The following TTC1 variants were observed in gnomAD, a reference collection of about 807,000 sequenced individuals.
The protein encoded by TTC1 is tetratricopeptide repeat domain 1, also known as tetratricopeptide repeat protein 1.
Under a neutral mutation model 37.6 loss-of-function variants are expected in TTC1, and 31 were observed. That is an observed-to-expected ratio of 0.82 (90% confidence interval 0.62 to 1.11). The LOEUF is 1.11. Among genes scored for constraint, TTC1 ranks in the 50% most tolerant of loss-of-function variants. The probability of loss-of-function intolerance (pLI) is 0.00; values close to 1 mark genes in which losing one functional copy is unlikely to be tolerated. For missense variants in TTC1, 351 were observed against 339.0 expected (o/e 1.04, Z -0.28); for synonymous variants, 127 against 122.4 (o/e 1.04, Z -0.25).
intron 2 of TTC1, among the ~76,000 whole-genome samples, chr5:160,034,459 G>A (rs964490853): frequency 6.6e-6 from 1 of 152,124 alleles, no homozygotes; most frequent in Non-Finnish European, 1.5e-5. Context: ...CCTGCTAACA[G>A]TATACTGCCC....
chr5:160,065,278 T>A lies in TTC1; in HGVS notation c.*213T>A. The stretch of plus-strand genomic sequence containing the variant: ...ACCTAATTTGATTTCCATTTTAAGG[T>A]GGTGTCTGTGCAGCTGGTGTCCCCG... On this transcript the variant is annotated 3_prime_UTR_variant, in exon 8 of 8. Coordinates refer to ENST00000231238, the MANE Select transcript of TTC1 (RefSeq NM_003314.3). 1.3e-6 allele frequency: 1 copy of A among 760,364 alleles called. No homozygotes were observed. The highest frequency in any genetic ancestry group is 2.2e-6 in the Non-Finnish European group (1 of 450,060). The allele number at this position is 760,364 out of a possible 1,614,324, so 47.1% of individuals were successfully genotyped here.
chr5:160,049,466 G>A (rs1437124363), intron 5 of TTC1, 48 bp from the exon 6 acceptor site: 3 of 1,498,550 alleles, frequency 2.0e-6, no homozygotes, highest in Non-Finnish European at 2.7e-6. Context: ...CCAAAGATAT[G>A]TAGGCCATTT....
At chr5:160,049,433 A>G (rs1757343532) in intron 5 of TTC1, 81 bp from the exon 6 acceptor site, 1 of 1,271,616 alleles carries the variant, frequency 7.9e-7, no homozygotes, top group African/African-American at 1.5e-5. Flanking sequence ...TTGGAGGATG[A>G]TTGATGAAGG....
At chr5:160,017,200 A>G (rs538794708) in intron 2 of TTC1, among the ~76,000 whole-genome samples, 8 of 152,364 alleles carry the variant, frequency 5.3e-5, no homozygotes, top group Non-Finnish European at 1.0e-4. Flanking sequence ...TAATAACATT[A>G]TGATACAAAA....
At chr5:160,044,825 C>G (rs1019506865) in intron 5 of TTC1, among the ~76,000 whole-genome samples, 2 of 152,168 alleles carry the variant, frequency 1.3e-5, no homozygotes, top group African/African-American at 4.8e-5. Flanking sequence ...TTTACCCAGC[C>G]CCTATTCAAG....
At chr5:160,010,169 A>T (rs1453551252) in intron 1 of TTC1, among the ~76,000 whole-genome samples, 1 of 151,664 alleles carries the variant, frequency 6.6e-6, no homozygotes, top group African/African-American at 2.4e-5. Flanking sequence ...GAGGCAGGAG[A>T]ATCGCTTGAA....
chr5:160,044,398 T>G (rs1244713671), intron 5 of TTC1, among the ~76,000 whole-genome samples: 1 of 152,236 alleles, frequency 6.6e-6, no homozygotes, highest in Non-Finnish European at 1.5e-5. Flanking sequence ...TGTGGGCTGC[T>G]CAGTAAAGTA....
At position 160,065,020 on chromosome 5, in the gene TTC1, C is replaced by T. The variant is rs1005900533; in HGVS notation, c.834C>T (p.Gly278=). The change falls in exon 8 of 8, where the codon GGC becomes GGT. Residue 278 remains glycine, a synonymous_variant. Coordinates refer to ENST00000231238, the MANE Select transcript of TTC1 (RefSeq NM_003314.3). The part of the protein sequence containing the change: ...NFQIKQDSST[G]SYSINFVQNP... The stretch of plus-strand genomic sequence containing the variant: ...AGATCAAACAGGATTCCTCTACCGG[C>T]TCGTACTCCATCAATTTCGTTCAAA... The T allele has an allele frequency of 3.1e-6, 5 of 1,613,560 alleles. No homozygotes were observed. Among genetic ancestry groups the T allele is most frequent in the Non-Finnish European group, 4.2e-6 (5 of 1,179,972 alleles).
chr5:160,046,841 GTC>G (rs1757262125), intron 5 of TTC1, among the ~76,000 whole-genome samples: 1 of 152,070 alleles, frequency 6.6e-6, no homozygotes, highest in African/African-American at 2.4e-5. Flanking sequence ...GTGAAACCCT[GTC>G]TCTACTAAAA....
At chr5:160,038,654 C>A (rs1019724469) in intron 4 of TTC1, among the ~76,000 whole-genome samples, 21 of 143,538 alleles carry the variant, frequency 1.5e-4, no homozygotes, top group Non-Finnish European at 6.0e-5. Flanking sequence ...TTTTAAGTTG[C>A]GTTTCTTTTT....
chr5:160,029,703 A>G (rs1490405805), intron 2 of TTC1, among the ~76,000 whole-genome samples: 1 of 148,462 alleles, frequency 6.7e-6, no homozygotes, highest in Non-Finnish European at 1.5e-5. Context: ...ACAGAATACA[A>G]AGTACAAAGT....
chr5:160,032,155 A>G lies in TTC1; in HGVS notation c.331-2985A>G, dbSNP rs574649518. 4.6e-5 allele frequency among the ~76,000 whole-genome samples: 7 copies of G among 152,314 alleles called. No homozygotes were observed. The South Asian group carries it at 1.5e-3, about 32-fold the overall frequency. ...TTGGTCTCCTAAAACATGAACACAC[A>G]TACACACGCTTACTTCACAAGAGCC... On this transcript the variant is annotated intron_variant, in intron 2 of 7. Transcript: ENST00000231238.
At chr5:160,017,422 T>C (rs1756626640) in intron 2 of TTC1, among the ~76,000 whole-genome samples, 1 of 152,150 alleles carries the variant, frequency 6.6e-6, no homozygotes, top group Non-Finnish European at 1.5e-5. Flanking sequence ...CCCTTCAACC[T>C]CTTTTATTAG....
intron 2 of TTC1, among the ~76,000 whole-genome samples, chr5:160,022,623 TA>T (rs1301314798): frequency 4.6e-5 from 7 of 152,186 alleles, no homozygotes; most frequent in Non-Finnish European, 8.8e-5. Context: ...ACTATGTTAG[TA>T]AATAGGAAAT....
chr5:160,065,015 A>C lies in TTC1; in HGVS notation c.829A>C (p.Thr277Pro), dbSNP rs377412563. ...TTTCCAGATCAAACAGGATTCCTCT[A>C]CCGGCTCGTACTCCATCAATTTCGT... ...ENFQIKQDSS[T>P]GSYSINFVQN... is the part of the protein sequence containing the mutation. The change falls in exon 8 of 8, where the codon ACC becomes CCC. Residue 277 changes from threonine to proline, a missense_variant. Thr to Pro is a conservative substitution (Grantham distance 38). Transcript: ENST00000231238. The C allele has an allele frequency of 2.5e-6, 4 of 1,613,888 alleles. No homozygotes were observed. The highest frequency in any genetic ancestry group is 3.4e-6 in the Non-Finnish European group (4 of 1,179,978).
Position 160,009,615 on chromosome 5 carries a change from T to A in TTC1, c.-30+422T>A, listed in dbSNP as rs141695901. On this transcript the variant is annotated intron_variant, in intron 1 of 7. Transcript: ENST00000231238. ...ATGAAAACATAAATAAATAAATAAA[T>A]AAACCTGATGCCCTTGCTTGACGCG... Among the ~76,000 whole-genome samples, 1,175 of 152,198 alleles carry A rather than the reference T, an allele frequency of 7.7e-3. 7 individuals carry two copies. The highest frequency in any genetic ancestry group is 0.012 in the Non-Finnish European group (811 of 67,992).
intron 7 of TTC1, among the ~76,000 whole-genome samples, chr5:160,056,164 A>G (rs1757541912): frequency 6.6e-6 from 1 of 152,216 alleles, no homozygotes; most frequent in Non-Finnish European, 1.5e-5. Context: ...TCCCTCAAAG[A>G]AACCATAACA....
At chr5:160,041,313 C>CTTTTTTTT (rs368094676) in intron 4 of TTC1, among the ~76,000 whole-genome samples, 1 of 135,608 alleles carries the variant, frequency 7.4e-6, no homozygotes. Flanking sequence ...TGCTTTCTTT[C>CTTTTTTTT]TTTTTTTTTT....
At chr5:160,010,896 C>A (rs772159677) in intron 2 of TTC1, 38 bp downstream of exon 2, 2 of 1,565,690 alleles carry the variant, frequency 1.3e-6, no homozygotes, top group South Asian at 1.2e-5. Flanking sequence ...CTGCCACTTA[C>A]ACTGCATTTT....
Sources: allele counts gnomAD v4.1 joint callset (sites outside exome capture counted in the v4.1 genomes callset), GRCh38; gene constraint gnomAD v4.1.1; transcripts MANE v1.5; gene names NCBI Gene and HGNC (gene_info 2026-07-23, HGNC 2026-07-21).